The following CAB39L variants were observed in gnomAD, a reference collection of about 807,000 sequenced individuals.
The protein encoded by CAB39L is calcium binding protein 39 like.
CAB39L carries 23 observed loss-of-function variants against 39.1 expected under a neutral mutation model. That is an observed-to-expected ratio of 0.59 (90% CI 0.42 to 0.83). The LOEUF is 0.83. Ranked by LOEUF, CAB39L falls within the 40% of genes least tolerant of loss-of-function variation. The pLI, the probability that CAB39L is intolerant of heterozygous loss-of-function variation, is 0.00. For missense variants in CAB39L, 366 were observed against 391.9 expected (o/e 0.93, Z 0.56); for synonymous variants, 126 against 137.2 (o/e 0.92, Z 0.57).
intron 5 of CAB39L, among the ~76,000 whole-genome samples, chr13:49,375,960 C>T (rs986132720): frequency 6.6e-6 from 1 of 152,166 alleles, no homozygotes; most frequent in African/African-American, 2.4e-5. Flanking sequence ...TGCTTCTAGC[C>T]ACAACTGGAC....
At chr13:49,352,398 G>T (rs1192960722) in intron 6 of CAB39L, among the ~76,000 whole-genome samples, 1 of 151,812 alleles carries the variant, frequency 6.6e-6, no homozygotes, top group East Asian at 1.9e-4. Flanking sequence ...AGGAAGAATA[G>T]AACAAAGAAA....
chr13:49,395,393 G>A (rs890548533), intron 3 of CAB39L, among the ~76,000 whole-genome samples: 5 of 151,730 alleles, frequency 3.3e-5, no homozygotes, highest in Admixed American at 6.6e-5. Context: ...TCACCACCAC[G>A]TTCGGCTATT....
chr13:49,418,137 T>C (rs865959265), intron 3 of CAB39L, among the ~76,000 whole-genome samples: 37 of 150,972 alleles, frequency 2.5e-4, no homozygotes, highest in African/African-American at 8.3e-4. Context: ...ACCCCAAAAG[T>C]AGAAAAAAAA....
intron 8 of CAB39L, among the ~76,000 whole-genome samples, chr13:49,341,732 T>G (rs1241696024): frequency 6.6e-6 from 1 of 152,156 alleles, no homozygotes; most frequent in Admixed American, 6.5e-5. Flanking sequence ...AGAGAAGATT[T>G]GGAAAGTTCC....
chr13:49,435,186 G>A (rs924983792), intron 1 of CAB39L, among the ~76,000 whole-genome samples: 4 of 152,170 alleles, frequency 2.6e-5, no homozygotes, highest in Non-Finnish European at 1.5e-5. Flanking sequence ...TGGAAAGACG[G>A]TGACTTGGAA....
intron 5 of CAB39L, among the ~76,000 whole-genome samples, chr13:49,372,491 G>C (rs186495731): frequency 1.3e-3 from 189 of 147,336 alleles, no homozygotes; most frequent in African/African-American, 4.9e-3. Flanking sequence ...TCCAGTTTAA[G>C]TCAGTGCTGC....
chr13:49,317,470 C>G (rs967436505), intron 10 of CAB39L, among the ~76,000 whole-genome samples: 10 of 152,042 alleles, frequency 6.6e-5, no homozygotes, highest in Admixed American at 2.0e-4. Flanking sequence ...GTTGAGGATG[C>G]GGTGAGCTGT....
chr13:49,329,540 AAAAAAT>A (rs1244728930), intron 10 of CAB39L, among the ~76,000 whole-genome samples: 1 of 37,574 alleles, frequency 2.7e-5, no homozygotes, highest in African/African-American at 1.5e-4. Context: ...CAATTAAAAA[AAAAAAT>A]ATATATATAT....
chr13:49,361,264 G>C (rs1225783647), intron 5 of CAB39L, among the ~76,000 whole-genome samples: 4 of 152,188 alleles, frequency 2.6e-5, no homozygotes, highest in South Asian at 4.1e-4. Flanking sequence ...CAGATCAAGA[G>C]GTCAGGAGTT....
chr13:49,403,013 A>T (rs952085976), intron 3 of CAB39L, among the ~76,000 whole-genome samples: 1 of 152,212 alleles, frequency 6.6e-6, no homozygotes, highest in African/African-American at 2.4e-5. Context: ...AGAATTTATA[A>T]AAGTGGTTCT....
In CAB39L at chr13:49,412,294, GA is replaced by G. The variant is rs1342570257; in HGVS notation, c.-32+21023del. Among the ~76,000 whole-genome samples the G allele has an allele frequency of 2.0e-5, 3 of 149,944 alleles. No homozygotes were observed. In the East Asian group the frequency reaches 5.9e-4, roughly 29 times the overall value. On this transcript the variant is annotated intron_variant, in intron 3 of 10. Transcript: ENST00000409308. ...AAAAACACAATGTTAATTCTCCTTG[GA>G]AAAAAAGCCATAAAGTGATTATTTG...
At chr13:49,342,911 A>C (rs1593949261) in intron 8 of CAB39L, among the ~76,000 whole-genome samples, 1 of 152,210 alleles carries the variant, frequency 6.6e-6, no homozygotes, top group African/African-American at 2.4e-5. Flanking sequence ...TTGATTGTAC[A>C]TTAAAATAAC....
chr13:49,363,658 A>G (rs2138515953), intron 5 of CAB39L, among the ~76,000 whole-genome samples: 1 of 152,082 alleles, frequency 6.6e-6, no homozygotes, highest in Admixed American at 6.6e-5. Context: ...CTTGTCAATA[A>G]TAACATTGTA....
At chr13:49,442,269 T>C (rs1957537023) in intron 1 of CAB39L, among the ~76,000 whole-genome samples, 2 of 152,218 alleles carry the variant, frequency 1.3e-5, no homozygotes, top group Admixed American at 6.5e-5. Context: ...GGATGTGTCA[T>C]AATTTATAAA....
intron 9 of CAB39L, 46 bp from the exon 10 acceptor site, chr13:49,332,136 A>T: frequency 6.3e-7 from 1 of 1,594,820 alleles, no homozygotes; most frequent in South Asian, 1.1e-5. Context: ...GAGCCACCTG[A>T]TTCAAAATAT....
intron 6 of CAB39L, among the ~76,000 whole-genome samples, chr13:49,353,882 C>T (rs944974170): frequency 1.3e-5 from 2 of 151,924 alleles, no homozygotes; most frequent in South Asian, 2.1e-4. Flanking sequence ...CCCCAGTCTC[C>T]GAAGAGTGCC....
chr13:49,387,137 A>G (rs983923540), intron 3 of CAB39L, among the ~76,000 whole-genome samples: 2 of 152,210 alleles, frequency 1.3e-5, no homozygotes, highest in Admixed American at 1.3e-4. Flanking sequence ...TGTAAAACGA[A>G]GTTGTTCTTA....
chr13:49,412,816 A>AGGGTTTGTTTGTG (rs1404413503), intron 3 of CAB39L: 1 of 152,198 alleles, frequency 6.6e-6, no homozygotes, highest in Admixed American at 6.6e-5. Context: ...TGCACAGTTC[A>AGGGTTTGTTTGTG]CAGAAGGGTT....
chr13:49,438,171 C>T (rs1452294359), intron 1 of CAB39L, among the ~76,000 whole-genome samples: 2 of 152,052 alleles, frequency 1.3e-5, no homozygotes, highest in Non-Finnish European at 1.5e-5. Context: ...TCTTGCACTT[C>T]TGAGTATGTT....
Sources: allele counts gnomAD v4.1 joint callset (sites outside exome capture counted in the v4.1 genomes callset), GRCh38; gene constraint gnomAD v4.1.1; transcripts MANE v1.5; gene names NCBI Gene and HGNC (gene_info 2026-07-23, HGNC 2026-07-21).